The following XKR5 variants were observed in gnomAD, a reference collection of about 807,000 sequenced individuals.
The protein encoded by XKR5 is XK related 5, also known as XK-related protein 5.
XKR5 carries 46 observed loss-of-function variants against 40.8 expected under a neutral mutation model. The ratio of observed to expected loss-of-function variants is 1.13; its 90% CI spans 0.89 to 1.44. The LOEUF is 1.44. Among genes scored for constraint, XKR5 ranks in the 40% most tolerant of loss-of-function variants. The pLI, the probability that XKR5 is intolerant of heterozygous loss-of-function variation, is 0.00. For missense variants in XKR5, 1,169 were observed against 844.7 expected (o/e 1.38, Z -4.76); for synonymous variants, 466 against 356.1 (o/e 1.31, Z -3.48).
At chr8:6,834,332 G>T (rs1333354835) in intron 1 of XKR5, among the ~76,000 whole-genome samples, 3 of 152,252 alleles carry the variant, frequency 2.0e-5, no homozygotes, top group African/African-American at 4.8e-5. Context: ...CTAGACCGCG[G>T]GGTCCGGGCT....
rs768032880 is a variant in XKR5 at position 6,811,730 on chromosome 8, C to A, written c.1529G>T (p.Gly510Val). 6.5e-7 allele frequency: 1 copy of A among 1,537,576 alleles called. No homozygotes were observed. The highest frequency in any genetic ancestry group is 8.7e-7 in the Non-Finnish European group (1 of 1,146,994). Residue 510 changes from glycine (G) to valine (V), a missense_variant, in exon 7 of 7, where the codon GGC (glycine) becomes GTC (valine). Gly to Val is a moderately radical substitution (Grantham distance 109). Coordinates refer to ENST00000618742, the MANE Select transcript of XKR5 (RefSeq NM_207411.5). Reference protein sequence around the residue: ...TQNPAATQGEGTPKEGADAVS... With the variant: ...TQNPAATQGEVTPKEGADAVS... ...AGCGTCAGCTCCTTCCTTTGGGGTG[C>A]CCTCCCCCTGCGTGGCTGCTGGGTT...
At chr8:6,813,809 C>T (rs1334919481) in intron 6 of XKR5, among the ~76,000 whole-genome samples, 6 of 152,246 alleles carry the variant, frequency 3.9e-5, no homozygotes, top group Non-Finnish European at 4.4e-5. Context: ...GTGAAAATGT[C>T]TTCTCACTGG....
chr8:6,823,178 C>G (rs1360084202), intron 4 of XKR5, among the ~76,000 whole-genome samples: 2 of 152,246 alleles, frequency 1.3e-5, no homozygotes, highest in Non-Finnish European at 2.9e-5. Flanking sequence ...GTCTAGTCCT[C>G]CATGCTCTTG....
At chr8:6,831,076 T>C (rs927579957) in intron 2 of XKR5, among the ~76,000 whole-genome samples, 9 of 152,162 alleles carry the variant, frequency 5.9e-5, no homozygotes, top group African/African-American at 2.2e-4. Context: ...CATGGGCTCA[T>C]GGTAGCTGAC....
rs533709542 is a variant in XKR5 at position 6,831,751 on chromosome 8, C to T, written c.242+966G>A. 2.6e-5 allele frequency among the ~76,000 whole-genome samples: 4 copies of T among 152,286 alleles called. No homozygotes were observed. The South Asian group carries it at 8.3e-4, about 32-fold the overall frequency. Reference sequence around the variant, plus strand: ...AATCCTGTGGCCAGGTGCAGTGGCTCACGCCTGTAATCCCAGCACTTTGGG... The same window carrying T: ...AATCCTGTGGCCAGGTGCAGTGGCTTACGCCTGTAATCCCAGCACTTTGGG... On this transcript the variant is annotated intron_variant, in intron 2 of 6. Coordinates refer to ENST00000618742, the MANE Select transcript of XKR5 (RefSeq NM_207411.5).
intron 3 of XKR5, 49 bp downstream of exon 3, chr8:6,825,116 C>A (rs1804400214): frequency 1.2e-6 from 2 of 1,603,370 alleles, no homozygotes; most frequent in African/African-American, 2.7e-5. Context: ...ACATTCCTGT[C>A]CCCCTTCGGC....
Position 6,811,494 on chromosome 8 carries a change from C to T in XKR5, c.1765G>A (p.Ala589Thr). Residue 589 changes from alanine to threonine, a missense_variant, in exon 7 of 7, where the codon GCG (alanine) becomes ACG (threonine). By Grantham distance (58) the Ala-to-Thr change is moderately conservative. Transcript: ENST00000618742. ...QPASPHPVGL[A>T]PFPDTMADIS... ...TCGGCCATGGTGTCGGGGAAGGGCG[C>T]CAAGCCCACTGGGTGGGGCGATGCA... 1 of 1,528,092 alleles carries T rather than the reference C, an allele frequency of 6.5e-7. No homozygotes were observed. Among genetic ancestry groups the T allele is most frequent in the Non-Finnish European group, 8.8e-7 (1 of 1,141,722 alleles). 94.7% of individuals were successfully genotyped at this position (1,528,092 alleles called of 1,614,324 possible). A position where few individuals can be genotyped will look rare whatever the true frequency, so the allele number is the denominator to read the frequency against.
intron 3 of XKR5, among the ~76,000 whole-genome samples, chr8:6,823,947 A>G (rs1423569720): frequency 1.3e-5 from 2 of 152,242 alleles, no homozygotes; most frequent in Non-Finnish European, 2.9e-5. Flanking sequence ...AAATGGGGAT[A>G]TGCAGGAAAT....
chr8:6,826,348 C>A (rs947167017), intron 2 of XKR5, among the ~76,000 whole-genome samples: 1 of 151,684 alleles, frequency 6.6e-6, no homozygotes, highest in Admixed American at 6.6e-5. Context: ...TGTGTGCACG[C>A]ATGTAGTGTG....
At position 6,825,346 on chromosome 8, in the gene XKR5, G is replaced by A. The variant is rs770108665; in HGVS notation, c.246C>T (p.His82=). ...HLLQLGVWKR[H]WDAALTSLQK... is the part of the protein sequence containing the mutation. ...GCAGACTGGTCAGTGCAGCGTCCCA[G>A]TGCCTAGGGAACAGCAGAGGGCACG... Residue 82 remains histidine, a synonymous_variant, in exon 3 of 7, where the codon CAC becomes CAT. Coordinates refer to ENST00000618742, the MANE Select transcript of XKR5 (RefSeq NM_207411.5). The A allele has an allele frequency of 3.9e-6, 6 of 1,557,842 alleles. No individual in the cohort carries two copies. Among genetic ancestry groups the A allele is most frequent in the Non-Finnish European group, 5.2e-6 (6 of 1,157,104 alleles).
Position 6,829,826 on chromosome 8 carries a change from C to CTTTTTT in XKR5, c.242+2885_242+2890dup, listed in dbSNP as rs140715953. 4.7e-5 allele frequency among the ~76,000 whole-genome samples: 3 copies of CTTTTTT among 63,530 alleles called. 1 individual carries two copies. Among genetic ancestry groups the CTTTTTT allele is most frequent in the East Asian group, 5.4e-4 (1 of 1,860 alleles). The allele number at this position is 63,530 out of a possible 152,430, so 41.7% of individuals were successfully genotyped here. On this transcript the variant is annotated intron_variant, in intron 2 of 6. Coordinates refer to ENST00000618742, the MANE Select transcript of XKR5 (RefSeq NM_207411.5). ...GCCGTCACGCCAGGCCAAATTCTTG[C>CTTTTTT]TTTTTTTTTTTTTTTTTTTTTTTTT...
chr8:6,828,488 G>C (rs533334586), intron 2 of XKR5, among the ~76,000 whole-genome samples: 1 of 152,156 alleles, frequency 6.6e-6, no homozygotes, highest in Admixed American at 6.5e-5. Flanking sequence ...TTTCTGAAAC[G>C]AGCTGTCTCG....
At chr8:6,823,225 T>C (rs1333728658) in intron 4 of XKR5, among the ~76,000 whole-genome samples, 2 of 152,194 alleles carry the variant, frequency 1.3e-5, no homozygotes, top group African/African-American at 4.8e-5. Flanking sequence ...ACTGGCAGAA[T>C]ACAGCAGAAG....
At chr8:6,829,102 G>T in intron 2 of XKR5, 1 of 155,582 alleles carries the variant, frequency 6.4e-6, no homozygotes. Context: ...TCCAGGGCTA[G>T]GGCTATATTT....
intron 2 of XKR5, among the ~76,000 whole-genome samples, chr8:6,831,711 T>G (rs941753171): frequency 6.6e-6 from 1 of 151,884 alleles, no homozygotes; most frequent in Non-Finnish European, 1.5e-5. Flanking sequence ...CCCTGAATTT[T>G]TCTCCCTTAA....
chr8:6,834,327 C>A (rs532613645), intron 1 of XKR5, among the ~76,000 whole-genome samples: 1 of 152,262 alleles, frequency 6.6e-6, no homozygotes, highest in Non-Finnish European at 1.5e-5. Context: ...CAGCTCTAGA[C>A]CGCGGGGTCC....
chr8:6,830,476 G>C (rs1284227665), intron 2 of XKR5, among the ~76,000 whole-genome samples: 2 of 152,164 alleles, frequency 1.3e-5, no homozygotes, highest in African/African-American at 4.8e-5. Flanking sequence ...TTTAACCTGA[G>C]AAACACTGCA....
chr8:6,820,128 G>A (rs988326009), intron 5 of XKR5, among the ~76,000 whole-genome samples: 2 of 152,242 alleles, frequency 1.3e-5, no homozygotes, highest in African/African-American at 4.8e-5. Context: ...AAGGATCCTG[G>A]TATCAAGCCT....
Position 6,811,444 on chromosome 8 carries a change from G to T in XKR5, c.1815C>A (p.Gly605=). 1 of 1,536,248 alleles carries T rather than the reference G, an allele frequency of 6.5e-7. No individual in the cohort carries two copies. Among genetic ancestry groups the T allele is most frequent in the African/African-American group, 1.4e-5 (1 of 73,132 alleles). The part of the protein sequence containing the change: ...MADISPILGT[G]PCRGFCPSAG... Reference sequence around the variant, plus strand: ...CACTGGGGCAGAAGCCTCTACATGGGCCTGTGCCTAGGATGGGGCTAATGT... The same window carrying T: ...CACTGGGGCAGAAGCCTCTACATGGTCCTGTGCCTAGGATGGGGCTAATGT... The change falls in exon 7 of 7, where the codon GGC becomes GGA. Residue 605 remains glycine (G), a synonymous_variant. Coordinates refer to ENST00000618742, the MANE Select transcript of XKR5 (RefSeq NM_207411.5).
Sources: allele counts gnomAD v4.1 joint callset (sites outside exome capture counted in the v4.1 genomes callset), GRCh38; gene constraint gnomAD v4.1.1; transcripts MANE v1.5; gene names NCBI Gene and HGNC (gene_info 2026-07-23, HGNC 2026-07-21).